The following SHANK2 variants were observed in gnomAD, a reference collection of about 807,000 sequenced individuals.
SHANK2 encodes SH3 and multiple ankyrin repeat domains 2, also known as SH3 and multiple ankyrin repeat domains protein 2.
A neutral mutation model predicts 133.7 loss-of-function variants in SHANK2; 43 were observed. That is an observed-to-expected ratio of 0.32 (90% CI 0.25 to 0.41). SHANK2 has a LOEUF of 0.41. SHANK2 is among the 10% of genes least tolerant of loss of function. The pLI is 1.00. For synonymous variants in SHANK2, 1,017 were observed against 952.8 expected, an observed-to-expected ratio of 1.07 and a Z score of -1.24; for missense variants, 1,994 against 2,235.8, an observed-to-expected ratio of 0.89 and a Z score of 2.18.
chr11:71,065,155 T>A (rs960272723), intron 9 of SHANK2, among the ~76,000 whole-genome samples: 1 of 152,110 alleles, frequency 6.6e-6, no homozygotes, highest in African/African-American at 2.4e-5. Flanking sequence ...CTGACCACAC[T>A]GTGTCAGTGA....
At chr11:70,701,206 T>A (rs1945511564) in intron 14 of SHANK2, among the ~76,000 whole-genome samples, 1 of 152,070 alleles carries the variant, frequency 6.6e-6, no homozygotes, top group Admixed American at 6.5e-5. Context: ...AAAAGACTAT[T>A]TCAGTAAAGG....
chr11:70,943,647 C>A (rs888030804), intron 10 of SHANK2, among the ~76,000 whole-genome samples: 3 of 152,122 alleles, frequency 2.0e-5, no homozygotes, highest in South Asian at 2.1e-4. Flanking sequence ...GGAGCACTGA[C>A]CCTGAAATGC....
At chr11:70,523,021 C>G (rs970093802) in intron 17 of SHANK2, among the ~76,000 whole-genome samples, 13 of 152,194 alleles carry the variant, frequency 8.5e-5, no homozygotes, top group Non-Finnish European at 1.8e-4. Flanking sequence ...ACGAGGTCTC[C>G]GGCAGAGGGC....
intron 25 of SHANK2, among the ~76,000 whole-genome samples, chr11:70,482,701 C>T (rs1407892416): frequency 1.3e-5 from 2 of 152,166 alleles, no homozygotes; most frequent in African/African-American, 2.4e-5. Flanking sequence ...GTAAGAGAGC[C>T]GGGCTATAAA....
intron 11 of SHANK2, among the ~76,000 whole-genome samples, chr11:70,885,098 T>C (rs1949717262): frequency 6.6e-6 from 1 of 152,170 alleles, no homozygotes; most frequent in African/African-American, 2.4e-5. Context: ...GAAGGAGATG[T>C]TATACAACAC....
intron 14 of SHANK2, among the ~76,000 whole-genome samples, chr11:70,704,676 G>A (rs1015794671): frequency 6.6e-6 from 1 of 152,242 alleles, no homozygotes; most frequent in Admixed American, 6.5e-5. Flanking sequence ...CAGGGAGGGA[G>A]TGAGTCCAGC....
intron 6 of SHANK2, among the ~76,000 whole-genome samples, chr11:71,105,988 T>C (rs1951797366): frequency 6.6e-6 from 1 of 152,214 alleles, no homozygotes; most frequent in African/African-American, 2.4e-5. Context: ...TGAACCTTCA[T>C]GTAAGCTTGG....
At chr11:70,881,113 T>C (rs1353071669) in intron 11 of SHANK2, among the ~76,000 whole-genome samples, 1 of 152,198 alleles carries the variant, frequency 6.6e-6, no homozygotes, top group African/African-American at 2.4e-5. Flanking sequence ...TCATAGCTCA[T>C]TGCAGCCTTG....
chr11:70,904,411 C>T (rs782347079), intron 10 of SHANK2, among the ~76,000 whole-genome samples: 2 of 152,064 alleles, frequency 1.3e-5, no homozygotes, highest in African/African-American at 2.4e-5. Context: ...AAGACCAACA[C>T]GGGTGACATG....
intron 17 of SHANK2, among the ~76,000 whole-genome samples, chr11:70,574,240 C>T (rs1408094679): frequency 6.6e-6 from 1 of 152,226 alleles, no homozygotes; most frequent in African/African-American, 2.4e-5. Flanking sequence ...GGAGGTGTGG[C>T]CCAAAGCCAG....
At chr11:70,499,293 T>C (rs2135804347) in intron 21 of SHANK2, among the ~76,000 whole-genome samples, 1 of 152,342 alleles carries the variant, frequency 6.6e-6, no homozygotes, top group African/African-American at 2.4e-5. Flanking sequence ...CCCACACCCT[T>C]GCCCCCTGTT....
chr11:70,951,229 C>T (rs10793411), intron 10 of SHANK2, among the ~76,000 whole-genome samples: 20,361 of 129,074 alleles, frequency 0.16, 2,945 homozygotes, highest in Middle Eastern at 0.27. Context: ...TGCACCGTGA[C>T]GTCATAAATT....
At chr11:70,534,167 T>C (rs1408712178) in intron 17 of SHANK2, among the ~76,000 whole-genome samples, 1 of 152,106 alleles carries the variant, frequency 6.6e-6, no homozygotes, top group Non-Finnish European at 1.5e-5. Context: ...AGGAAAGAGG[T>C]TTAATTGACT....
At chr11:70,626,556 C>T (rs1418747746) in intron 17 of SHANK2, among the ~76,000 whole-genome samples, 4 of 152,264 alleles carry the variant, frequency 2.6e-5, no homozygotes, top group Non-Finnish European at 4.4e-5. Flanking sequence ...CTCTAGTCCT[C>T]GGCCAGAGGC....
chr11:70,837,888 C>T (rs782014924), intron 11 of SHANK2, among the ~76,000 whole-genome samples: 3 of 146,260 alleles, frequency 2.1e-5, no homozygotes, highest in Admixed American at 7.0e-5. Flanking sequence ...ACAGGAGAAT[C>T]GCTTGAACCC....
intron 10 of SHANK2, among the ~76,000 whole-genome samples, chr11:70,903,391 T>TAAATAAAATGAAATA (rs1950050592): frequency 7.9e-6 from 1 of 125,826 alleles, no homozygotes; most frequent in Non-Finnish European, 1.6e-5. Context: ...TAAAATAAAG[T>TAAATAAAATGAAATA]AAATAAAATA....
At chr11:70,496,833 G>A (rs1457525773) in intron 21 of SHANK2, among the ~76,000 whole-genome samples, 5 of 151,674 alleles carry the variant, frequency 3.3e-5, no homozygotes, top group African/African-American at 1.2e-4. Context: ...CATTGGCATG[G>A]TTTGCCTCGT....
At chr11:70,690,488 GTTTTTTTTTTTTTT>G (rs35737323) in intron 15 of SHANK2, among the ~76,000 whole-genome samples, 14 of 32,816 alleles carry the variant, frequency 4.3e-4, no homozygotes, top group East Asian at 1.3e-3. Flanking sequence ...TACTTCCCAT[GTTTTTTTTTTTTTT>G]TTTTTTTTTT....
intron 15 of SHANK2, among the ~76,000 whole-genome samples, chr11:70,687,129 T>C (rs1555019812): frequency 6.6e-6 from 1 of 152,254 alleles, no homozygotes; most frequent in Non-Finnish European, 1.5e-5. Flanking sequence ...AGGCCCAATG[T>C]GTAGAATTTT....
Sources: allele counts gnomAD v4.1 joint callset (sites outside exome capture counted in the v4.1 genomes callset), GRCh38; gene constraint gnomAD v4.1.1; transcripts MANE v1.5; gene names NCBI Gene and HGNC (gene_info 2026-07-23, HGNC 2026-07-21).